Variants in FOXK1 observed in about 807,000 individuals in gnomAD.
FOXK1 encodes the protein forkhead box K1, also known as forkhead box protein K1.
FOXK1 carries 19 observed loss-of-function variants against 51.9 expected under a neutral mutation model. The observed-to-expected ratio is 0.37, with a 90% CI of 0.26 to 0.54. The LOEUF (loss-of-function observed/expected upper bound fraction) is 0.54. Among genes scored for constraint, FOXK1 ranks in the 20% least tolerant of loss-of-function variants. FOXK1 has a pLI of 0.87. For synonymous variants in FOXK1, 537 were observed against 482.6 expected (o/e 1.11, Z -1.48); for missense variants, 870 against 1,032.7 (o/e 0.84, Z 2.16).
chr7:4,717,499 T>C (rs989598963), intron 1 of FOXK1, among the ~76,000 whole-genome samples: 2 of 133,186 alleles, frequency 1.5e-5, no homozygotes, highest in African/African-American at 3.0e-5. Flanking sequence ...CTGGGAGGCG[T>C]ATGGCTGGGA....
In FOXK1 at chr7:4,762,304, C is replaced by T. The variant is rs1780943960; in HGVS notation, c.2042C>T (p.Thr681Ile). The change falls in exon 9 of 9, where the codon ACC becomes ATC. Residue 681 changes from threonine to isoleucine, a missense_variant. By Grantham distance (89) the Thr-to-Ile change is moderately conservative. This residue lies in a region of FOXK1 where 457 missense variants were observed against 510.8 expected (regional missense o/e 0.89). Transcript: ENST00000328914. This position sits in a 1 kb window ranked among gnomAD's most constrained non-coding sequence, Gnocchi z 5.7. The stretch of plus-strand genomic sequence containing the variant: ...GCAGCAGCCGTCGCGGCCACGGCCA[C>T]CACCACCCCAGCCACTGCCACCACC... ...EPAAAVAATATTTPATATTAS... is the reference protein window; with the variant it reads ...EPAAAVAATAITTPATATTAS... The T allele has an allele frequency of 6.5e-7, 1 of 1,550,318 alleles. No individual in the cohort carries two copies. Among genetic ancestry groups the T allele is most frequent in the Middle Eastern group, 1.7e-4 (1 of 5,944 alleles).
chr7:4,682,779 C>G lies in FOXK1; in HGVS notation c.471C>G (p.His157Gln), dbSNP rs761577677. Residue 157 changes from histidine (H) to glutamine (Q), a missense_variant, in exon 1 of 9, where the codon CAC becomes CAG. His to Gln is a conservative substitution (Grantham distance 24). Transcript: ENST00000328914. This position sits in a 1 kb window ranked among gnomAD's most constrained non-coding sequence, Gnocchi z 7.6. ...RHLQLSFQEPHFYLRCLGKNG... is the reference protein window; with the variant it reads ...RHLQLSFQEPQFYLRCLGKNG... Reference sequence around the variant, plus strand: ...TGCAGCTCAGCTTCCAGGAGCCGCACTTCTACCTGCGCTGCCTCGGCAAGA... The same window carrying G: ...TGCAGCTCAGCTTCCAGGAGCCGCAGTTCTACCTGCGCTGCCTCGGCAAGA... 2 of 1,594,214 alleles carry G rather than the reference C, an allele frequency of 1.3e-6. No homozygotes were observed. The highest frequency in any genetic ancestry group is 8.5e-7 in the Non-Finnish European group (1 of 1,176,270).
In FOXK1 at chr7:4,762,955, A is replaced by G. The variant is rs1337395872; in HGVS notation, c.*491A>G. On this transcript the variant is annotated 3_prime_UTR_variant, in exon 9 of 9. Transcript: ENST00000328914. The surrounding 1 kb of genome is among the most constrained non-coding windows in gnomAD (Gnocchi z 5.7). ...GAGCTGCCGAGCCACGGACCACCTA[A>G]CAGCCTCTCCGCCCGGAACGTGACA... 1.2e-5 allele frequency: 2 copies of G among 161,824 alleles called. No homozygotes were observed. The highest frequency in any genetic ancestry group is 4.8e-5 in the African/African-American group (2 of 41,570). 10.0% of individuals were successfully genotyped at this position (161,824 alleles called of 1,614,324 possible). A position where few individuals can be genotyped will look rare whatever the true frequency, so the allele number is the denominator to read the frequency against.
chr7:4,763,356 A>T lies in FOXK1; in HGVS notation c.*892A>T, dbSNP rs963630509. Reference sequence around the variant, plus strand: ...CTGCTCTGCAGACCAGACCTTCCCGAATTATCCGTGGCTCCGATGTCCCGG... The same window carrying T: ...CTGCTCTGCAGACCAGACCTTCCCGTATTATCCGTGGCTCCGATGTCCCGG... On this transcript the variant is annotated 3_prime_UTR_variant, in exon 9 of 9. Transcript: ENST00000328914. 5.3e-5 allele frequency: 8 copies of T among 152,180 alleles called. No individual in the cohort carries two copies. The highest frequency in any genetic ancestry group is 1.9e-4 in the African/African-American group (8 of 41,418). The allele number at this position is 152,180 out of a possible 1,614,324, so 9.4% of individuals were successfully genotyped here.
At position 4,740,850 on chromosome 7, in the gene FOXK1, G is replaced by T. The variant is rs770547944; in HGVS notation, c.573G>T (p.Arg191=). ...CCTCCTGTTGCAGGTGTACCTTCCG[G>T]TTTCCCAGCACGGCCATCAAGATCC... The part of the protein sequence containing the change: ...ALQLPKQCTF[R]FPSTAIKIQF... The change falls in exon 2 of 9, where the codon CGG becomes CGT. Residue 191 remains arginine (R), a synonymous_variant. Coordinates refer to ENST00000328914, the MANE Select transcript of FOXK1 (RefSeq NM_001037165.2). 5.7e-6 allele frequency: 9 copies of T among 1,592,668 alleles called. No individual in the cohort carries two copies. The highest frequency in any genetic ancestry group is 1.4e-5 in the African/African-American group (1 of 73,366).
intron 1 of FOXK1, among the ~76,000 whole-genome samples, chr7:4,721,569 CTT>C (rs1780310735): frequency 6.8e-6 from 1 of 147,372 alleles, no homozygotes; most frequent in Non-Finnish European, 1.5e-5. Flanking sequence ...GGACTTTTCT[CTT>C]TTCTTTTTCT....
intron 1 of FOXK1, among the ~76,000 whole-genome samples, chr7:4,736,053 G>A (rs558499850): frequency 1.1e-4 from 16 of 152,172 alleles, no homozygotes; most frequent in Non-Finnish European, 1.9e-4. Flanking sequence ...GGAGGCTGAG[G>A]CAGGAGAATC....
In FOXK1 at chr7:4,723,507, G is replaced by A. The variant is rs1780340714; in HGVS notation, c.561-17331G>A. On this transcript the variant is annotated intron_variant, in intron 1 of 8. Coordinates refer to ENST00000328914, the MANE Select transcript of FOXK1 (RefSeq NM_001037165.2). This position sits in a 1 kb window ranked among gnomAD's most constrained non-coding sequence, Gnocchi z 4.7. Reference sequence around the variant, plus strand: ...GACTAAAAATAGCAAATGCAGCCCCGAGCCTTCCTGTTGCCTCTAGGGCCT... The same window carrying A: ...GACTAAAAATAGCAAATGCAGCCCCAAGCCTTCCTGTTGCCTCTAGGGCCT... Among the ~76,000 whole-genome samples, 1 of 151,980 alleles carries A rather than the reference G, an allele frequency of 6.6e-6. No individual in the cohort carries two copies. The highest frequency in any genetic ancestry group is 1.9e-4 in the East Asian group (1 of 5,152).
chr7:4,753,177 C>T lies in FOXK1; in HGVS notation c.747-1282C>T, dbSNP rs530586848. Among the ~76,000 whole-genome samples, 13 of 152,326 alleles carry T rather than the reference C, an allele frequency of 8.5e-5. No individual in the cohort carries two copies. The highest frequency in any genetic ancestry group is 7.7e-4 in the East Asian group (4 of 5,188). On this transcript the variant is annotated intron_variant, in intron 2 of 8. Transcript: ENST00000328914. The surrounding 1 kb of genome is among the most constrained non-coding windows in gnomAD (Gnocchi z 4.9). Reference sequence around the variant, plus strand: ...TTCCTGAAAATGCCCCAGACCTGAACTGATCATTAATGTCAGCTGTCAGGT... The same window carrying T: ...TTCCTGAAAATGCCCCAGACCTGAATTGATCATTAATGTCAGCTGTCAGGT...
rs1397640283 is a variant in FOXK1, at chr7:4,762,013, G to C, written c.1922-171G>C. 6.6e-6 allele frequency among the ~76,000 whole-genome samples: 1 copy of C among 152,136 alleles called. No homozygotes were observed. Among genetic ancestry groups the C allele is most frequent in the African/African-American group, 2.4e-5 (1 of 41,432 alleles). The stretch of plus-strand genomic sequence containing the variant: ...GCAGAGACAGGGCAGATGAGGTGGG[G>C]AGGGGACGGCAGGGCCCGCAGGGAG... On this transcript the variant is annotated intron_variant, in intron 8 of 8. Transcript: ENST00000328914. The surrounding 1 kb of genome is among the most constrained non-coding windows in gnomAD (Gnocchi z 5.7).
At chr7:4,706,064 G>GTGTATATATA (rs2115038294) in intron 1 of FOXK1, among the ~76,000 whole-genome samples, 1 of 110,686 alleles carries the variant, frequency 9.0e-6, no homozygotes, top group African/African-American at 8.8e-5. Context: ...GTATATATAT[G>GTGTATATATA]TGTATATATG....
intron 1 of FOXK1, among the ~76,000 whole-genome samples, chr7:4,726,394 C>G (rs1352730047): frequency 6.6e-6 from 1 of 152,064 alleles, no homozygotes; most frequent in East Asian, 1.9e-4. Context: ...CTGGGCCTGG[C>G]AGATCATTTG....
chr7:4,762,173 C>G lies in FOXK1; in HGVS notation c.1922-11C>G, dbSNP rs1198856184. On this transcript the variant is annotated splice_polypyrimidine_tract_variant and intron_variant, in intron 8 of 8. Coordinates refer to ENST00000328914, the MANE Select transcript of FOXK1 (RefSeq NM_001037165.2). This position sits in a 1 kb window ranked among gnomAD's most constrained non-coding sequence, Gnocchi z 5.7. The stretch of plus-strand genomic sequence containing the variant: ...AGACCCCAGAGTAACCCTCTTCTTC[C>G]TCCACTCCAGCCCTCACCAGCCCTT... 6 of 1,542,750 alleles carry G rather than the reference C, an allele frequency of 3.9e-6. No homozygotes were observed. Among genetic ancestry groups the G allele is most frequent in the Non-Finnish European group, 5.3e-6 (6 of 1,139,588 alleles).
In FOXK1 at chr7:4,734,796, T is replaced by C. The variant is rs910633098; in HGVS notation, c.561-6042T>C. On this transcript the variant is annotated intron_variant, in intron 1 of 8. Coordinates refer to ENST00000328914, the MANE Select transcript of FOXK1 (RefSeq NM_001037165.2). The surrounding 1 kb of genome is among the most constrained non-coding windows in gnomAD (Gnocchi z 5.2). ...ATGTCACTGTCTGCCGCTTCTGTGT[T>C]GGGTGCCCTCGTCCAGGCCTCGGGT... Among the ~76,000 whole-genome samples, 26 of 152,330 alleles carry C rather than the reference T, an allele frequency of 1.7e-4. No homozygotes were observed. Among genetic ancestry groups the C allele is most frequent in the African/African-American group, 5.8e-4 (24 of 41,588 alleles).
Position 4,761,358 on chromosome 7 carries a change from A to G in FOXK1, c.1921+70A>G. The G allele has an allele frequency of 1.4e-6, 2 of 1,433,668 alleles. No individual in the cohort carries two copies. Among genetic ancestry groups the G allele is most frequent in the Non-Finnish European group, 1.9e-6 (2 of 1,045,840 alleles). The allele number at this position is 1,433,668 out of a possible 1,614,324, so 88.8% of individuals were successfully genotyped here. A position where few individuals can be genotyped will look rare whatever the true frequency, so the allele number is the denominator to read the frequency against. On this transcript the variant is annotated intron_variant, in intron 8 of 8. Transcript: ENST00000328914. This position sits in a 1 kb window ranked among gnomAD's most constrained non-coding sequence, Gnocchi z 6.2. ...GGCTCCCAGTAGTCAGTGCGGCATGAGAATGTTCTCCCAGTATCTCCCGAT... is the reference window on the plus strand; with the variant it reads ...GGCTCCCAGTAGTCAGTGCGGCATGGGAATGTTCTCCCAGTATCTCCCGAT...
intron 1 of FOXK1, among the ~76,000 whole-genome samples, chr7:4,732,139 C>T (rs534865170): frequency 2.6e-5 from 4 of 152,352 alleles, no homozygotes; most frequent in Non-Finnish European, 4.4e-5. Flanking sequence ...TATTCCCCCA[C>T]GCCTCAGTAT....
chr7:4,740,849 G>T lies in FOXK1; in HGVS notation c.572G>T (p.Arg191Leu). 1 of 1,592,692 alleles carries T rather than the reference G, an allele frequency of 6.3e-7. No homozygotes were observed. The highest frequency in any genetic ancestry group is 8.5e-7 in the Non-Finnish European group (1 of 1,170,886). Reference sequence around the variant, plus strand: ...TCCTCCTGTTGCAGGTGTACCTTCCGGTTTCCCAGCACGGCCATCAAGATC... The same window carrying T: ...TCCTCCTGTTGCAGGTGTACCTTCCTGTTTCCCAGCACGGCCATCAAGATC... ...ALQLPKQCTFRFPSTAIKIQF... is the reference protein window; with the variant it reads ...ALQLPKQCTFLFPSTAIKIQF... Residue 191 changes from arginine to leucine, a missense_variant, in exon 2 of 9, where the codon CGG becomes CTG. Arg to Leu is a moderately radical substitution (Grantham distance 102). Transcript: ENST00000328914.
At chr7:4,754,194 G>A (rs1780813345) in intron 2 of FOXK1, among the ~76,000 whole-genome samples, 1 of 152,220 alleles carries the variant, frequency 6.6e-6, no homozygotes, top group Non-Finnish European at 1.5e-5. Flanking sequence ...TGCTGCCCTG[G>A]GCCCTGCATA....
chr7:4,730,308 G>A lies in FOXK1; in HGVS notation c.561-10530G>A, dbSNP rs993704527. Among the ~76,000 whole-genome samples the A allele has an allele frequency of 2.0e-5, 3 of 152,166 alleles. No individual in the cohort carries two copies. Among genetic ancestry groups the A allele is most frequent in the South Asian group, 2.1e-4 (1 of 4,830 alleles). On this transcript the variant is annotated intron_variant, in intron 1 of 8. Transcript: ENST00000328914. The surrounding 1 kb of genome is among the most constrained non-coding windows in gnomAD (Gnocchi z 4.7). ...GGAGGGCCCAGAGCCGAGTACACTCGGCCAGGGTGAGTGATGGGCAGGCAC... is the reference window on the plus strand; with the variant it reads ...GGAGGGCCCAGAGCCGAGTACACTCAGCCAGGGTGAGTGATGGGCAGGCAC...
Sources: allele counts gnomAD v4.1 joint callset (sites outside exome capture counted in the v4.1 genomes callset), GRCh38; gene constraint gnomAD v4.1.1; regional missense constraint gnomAD v4.1.1; non-coding constraint Gnocchi (gnomAD v3.1); transcripts MANE v1.5; gene names NCBI Gene and HGNC (gene_info 2026-07-23, HGNC 2026-07-21).